The following SLC9C2 variants were observed in gnomAD, a reference collection of about 807,000 sequenced individuals.
SLC9C2 encodes solute carrier family 9 member C2 (putative), also known as sodium/hydrogen exchanger 11.
In SLC9C2, 75 loss-of-function variants were observed where a neutral mutation model predicts 140.2. The observed-to-expected ratio is 0.53, with a 90% CI of 0.44 to 0.65. The LOEUF (loss-of-function observed/expected upper bound fraction) is 0.65, where lower values mean the gene tolerates loss of function less well. Among genes scored for constraint, SLC9C2 ranks in the 30% least tolerant of loss-of-function variants. SLC9C2 has a pLI of 0.00. For synonymous variants in SLC9C2, 375 were observed against 420.9 expected (o/e 0.89, Z 1.34); for missense variants, 1,074 against 1,331.8 (o/e 0.81, Z 3.01).
At chr1:173,501,363 G>A (rs932903089) in intron 27 of SLC9C2, among the ~76,000 whole-genome samples, 4 of 152,156 alleles carry the variant, frequency 2.6e-5, no homozygotes, top group Non-Finnish European at 5.9e-5. Flanking sequence ...GAAGAGAAAT[G>A]TTACAGAAGT....
At chr1:173,535,698 C>A in intron 15 of SLC9C2, 132 bp downstream of exon 15, 1 of 1,096,350 alleles carries the variant, frequency 9.1e-7, no homozygotes, top group Non-Finnish European at 1.2e-6. Context: ...GAGAAGCAAG[C>A]ACCACCCAAT....
At chr1:173,523,340 C>G (rs914298273) in intron 21 of SLC9C2, among the ~76,000 whole-genome samples, 2 of 152,042 alleles carry the variant, frequency 1.3e-5, no homozygotes, top group Admixed American at 6.6e-5. Context: ...CCACTGCACT[C>G]CAGCCTGGGC....
intron 11 of SLC9C2, among the ~76,000 whole-genome samples, chr1:173,552,559 T>C (rs1181725040): frequency 6.6e-6 from 1 of 152,144 alleles, no homozygotes; most frequent in African/African-American, 2.4e-5. Flanking sequence ...CTAAGACTCT[T>C]AAGAATTAAG....
chr1:173,539,792 A>G (rs1405170499), intron 13 of SLC9C2, among the ~76,000 whole-genome samples: 5 of 152,218 alleles, frequency 3.3e-5, no homozygotes, highest in African/African-American at 7.2e-5. Flanking sequence ...GAAGAATGCC[A>G]GAGTAGAAGG....
chr1:173,594,317 G>A (rs1465023444), intron 4 of SLC9C2, among the ~76,000 whole-genome samples: 1 of 152,126 alleles, frequency 6.6e-6, no homozygotes. Flanking sequence ...GACATTGAAT[G>A]TTCCCTACAT....
chr1:173,589,112 T>C (rs981892162), intron 4 of SLC9C2, among the ~76,000 whole-genome samples: 2 of 152,204 alleles, frequency 1.3e-5, no homozygotes, highest in Non-Finnish European at 2.9e-5. Flanking sequence ...ATTTCCTCTT[T>C]TACTCTTGTC....
intron 13 of SLC9C2, among the ~76,000 whole-genome samples, chr1:173,539,025 A>T (rs745596399): frequency 2.0e-4 from 31 of 152,238 alleles, no homozygotes; most frequent in Non-Finnish European, 4.3e-4. Flanking sequence ...CTCAATGTAT[A>T]TCAGCATATT....
chr1:173,512,069 T>C (rs1660093997), intron 23 of SLC9C2, among the ~76,000 whole-genome samples: 1 of 152,352 alleles, frequency 6.6e-6, no homozygotes, highest in African/African-American at 2.4e-5. Flanking sequence ...GTGGTATAGT[T>C]TGAAGTCAGC....
intron 17 of SLC9C2, among the ~76,000 whole-genome samples, chr1:173,532,930 G>A (rs2101991681): frequency 6.6e-6 from 1 of 152,252 alleles, no homozygotes; most frequent in African/African-American, 2.4e-5. Context: ...CTACCTCACA[G>A]AGAGTACATA....
At chr1:173,582,153 T>C (rs2102218806) in intron 6 of SLC9C2, 145 bp from the exon 7 acceptor site, 1 of 548,126 alleles carries the variant, frequency 1.8e-6, no homozygotes, top group East Asian at 3.1e-5. Flanking sequence ...AGGAGTGTCT[T>C]GTGAAAGTCT....
chr1:173,580,228 G>T (rs1204200336), intron 7 of SLC9C2, among the ~76,000 whole-genome samples: 1 of 152,168 alleles, frequency 6.6e-6, no homozygotes, highest in African/African-American at 2.4e-5. Flanking sequence ...AACAGAGTTT[G>T]AAAGACAGGA....
chr1:173,522,453 G>T (rs1259517669), intron 21 of SLC9C2, among the ~76,000 whole-genome samples: 3 of 152,178 alleles, frequency 2.0e-5, no homozygotes, highest in Non-Finnish European at 4.4e-5. Context: ...GGCAGGGAGG[G>T]ATGGAGACCA....
chr1:173,574,542 C>T (rs1283702361), intron 8 of SLC9C2, among the ~76,000 whole-genome samples: 2 of 124,186 alleles, frequency 1.6e-5, no homozygotes, highest in Non-Finnish European at 3.1e-5. Context: ...CAGAGTCTTG[C>T]TCTGTCACCC....
At chr1:173,540,779 T>C (rs1662335967) in intron 13 of SLC9C2, among the ~76,000 whole-genome samples, 2 of 152,168 alleles carry the variant, frequency 1.3e-5, no homozygotes, top group African/African-American at 4.8e-5. Flanking sequence ...AGAGAAATAG[T>C]TCAGTCTTAA....
At chr1:173,506,534 G>C (rs4916365) in intron 25 of SLC9C2, among the ~76,000 whole-genome samples, 30,670 of 152,154 alleles carry the variant, frequency 0.2, 4,293 homozygotes, top group East Asian at 0.65. Context: ...GCTAGAACAC[G>C]GCATCGTTGC....
At chr1:173,583,432 G>C in intron 6 of SLC9C2, 74 bp downstream of exon 6, 1 of 870,968 alleles carries the variant, frequency 1.1e-6, no homozygotes, top group Non-Finnish European at 1.8e-6. Flanking sequence ...AGGCAGCAAA[G>C]TTAAAACATT....
chr1:173,555,324 A>T (rs988523416), intron 10 of SLC9C2: 1 of 152,502 alleles, frequency 6.6e-6, no homozygotes, highest in African/African-American at 2.4e-5. Context: ...GAAAGGTAAT[A>T]TTTGTAGGCC....
At chr1:173,542,913 G>A (rs192834495) in intron 13 of SLC9C2, among the ~76,000 whole-genome samples, 4 of 152,302 alleles carry the variant, frequency 2.6e-5, no homozygotes, top group African/African-American at 7.2e-5. Flanking sequence ...TACTCAATGG[G>A]CAAAAACTGG....
chr1:173,523,517 G>C (rs957261185), intron 21 of SLC9C2, among the ~76,000 whole-genome samples: 5 of 152,232 alleles, frequency 3.3e-5, no homozygotes, highest in African/African-American at 1.2e-4. Context: ...AGAATTCAAA[G>C]TCCTGTGGCA....
Sources: allele counts gnomAD v4.1 joint callset (sites outside exome capture counted in the v4.1 genomes callset), GRCh38; gene constraint gnomAD v4.1.1; transcripts MANE v1.5; gene names NCBI Gene and HGNC (gene_info 2026-07-23, HGNC 2026-07-21).